The following MTHFD1 variants were observed in gnomAD, a reference collection of about 807,000 sequenced individuals.
MTHFD1 encodes methylenetetrahydrofolate dehydrogenase, cyclohydrolase and formyltetrahydrofolate synthetase 1.
MTHFD1 carries 44 observed loss-of-function variants against 110.3 expected under a neutral mutation model. The ratio of observed to expected loss-of-function variants is 0.40; its 90% CI spans 0.31 to 0.51. The LOEUF (loss-of-function observed/expected upper bound fraction) is 0.51. MTHFD1 is among the 20% of genes least tolerant of loss of function. The probability of loss-of-function intolerance (pLI) is 0.60; values close to 1 mark genes in which losing one functional copy is unlikely to be tolerated. For synonymous variants in MTHFD1, 402 were observed against 428.8 expected (o/e 0.94, Z 0.77); for missense variants, 909 against 1,173.1 (o/e 0.77, Z 3.29).
intron 22 of MTHFD1, among the ~76,000 whole-genome samples, chr14:64,447,146 GTTCTTTTTT>G: frequency 8.3e-6 from 1 of 120,826 alleles, no homozygotes; most frequent in African/African-American, 3.0e-5. Flanking sequence ...ATCCAGCTCA[GTTCTTTTTT>G]TTTTTTTTTT....
chr14:64,392,081 G>A (rs2077810720), intron 1 of MTHFD1, among the ~76,000 whole-genome samples: 2 of 152,194 alleles, frequency 1.3e-5, no homozygotes, highest in South Asian at 2.1e-4. Context: ...AGTGACTTAC[G>A]GGCAAAGACT....
chr14:64,429,741 A>G (rs1412260198), intron 12 of MTHFD1, among the ~76,000 whole-genome samples: 6 of 151,734 alleles, frequency 4.0e-5, no homozygotes, highest in Non-Finnish European at 7.4e-5. Flanking sequence ...AAGTAGCCCA[A>G]AAAAATCTAG....
At chr14:64,433,786 G>T (rs111809053) in intron 15 of MTHFD1, among the ~76,000 whole-genome samples, 8,982 of 148,104 alleles carry the variant, frequency 0.061, 479 homozygotes, top group African/African-American at 0.15. Flanking sequence ...ATCCCAGAAC[G>T]TTGGGAAGCT....
intron 2 of MTHFD1, among the ~76,000 whole-genome samples, chr14:64,406,846 A>G (rs752754244): frequency 1.4e-4 from 21 of 152,038 alleles, no homozygotes; most frequent in Non-Finnish European, 2.9e-4. Flanking sequence ...TATATTTCTA[A>G]TCGTTCTATG....
Position 64,415,710 on chromosome 14 carries a change from A to G in MTHFD1, c.449A>G (p.Lys150Arg). 1 of 1,614,122 alleles carries G rather than the reference A, an allele frequency of 6.2e-7. No individual in the cohort carries two copies. Among genetic ancestry groups the G allele is most frequent in the Admixed American group, 1.7e-5 (1 of 60,024 alleles). ...LNDCFIPCTP[K>R]GCLELIKETG... is the part of the protein sequence containing the mutation. Reference sequence around the variant, plus strand: ...GACTGTTTCATTCCTTGTACGCCTAAGGGATGCTTGGAACTCATCAAAGAG... The same window carrying G: ...GACTGTTTCATTCCTTGTACGCCTAGGGGATGCTTGGAACTCATCAAAGAG... The change falls in exon 6 of 28, where the codon AAG becomes AGG. Residue 150 changes from lysine to arginine, a missense_variant. Coordinates refer to ENST00000652337, the MANE Select transcript of MTHFD1 (RefSeq NM_005956.4).
chr14:64,415,530 G>C, intron 5 of MTHFD1, 36 bp downstream of exon 5: 1 of 1,613,860 alleles, frequency 6.2e-7, no homozygotes, highest in Non-Finnish European at 8.5e-7. Context: ...CTCATTGCAT[G>C]CTTTCATTTA....
chr14:64,388,598 A>G, intron 1 of MTHFD1, 130 bp downstream of exon 1: 2 of 828,452 alleles, frequency 2.4e-6, no homozygotes, highest in South Asian at 2.8e-5. Flanking sequence ...ACACCTGAAG[A>G]CCTGCAGCCA....
Position 64,438,034 on chromosome 14 carries a change from C to T in MTHFD1, c.1598-1062C>T, listed in dbSNP as rs987838095. Among the ~76,000 whole-genome samples the T allele has an allele frequency of 7.2e-5, 11 of 152,156 alleles. No homozygotes were observed. The South Asian group carries it at 1.0e-3, about 14-fold the overall frequency. On this transcript the variant is annotated intron_variant, in intron 16 of 27. Coordinates refer to ENST00000652337, the MANE Select transcript of MTHFD1 (RefSeq NM_005956.4). ...GATTACAGGCATGCACCACCACACC[C>T]GGCTAATTTTGTATTTTTAGTAGCG...
intron 9 of MTHFD1, 95 bp downstream of exon 9, chr14:64,425,026 GAAGTA>G: frequency 1.4e-6 from 2 of 1,455,828 alleles, no homozygotes; most frequent in Non-Finnish European, 1.9e-6. Flanking sequence ...AACCTACTCA[GAAGTA>G]AAGATGTGAA....
Position 64,431,845 on chromosome 14 carries a change from A to G in MTHFD1, c.1478A>G (p.Gln493Arg). 1 of 1,614,148 alleles carries G rather than the reference A, an allele frequency of 6.2e-7. No homozygotes were observed. Among genetic ancestry groups the G allele is most frequent in the Non-Finnish European group, 8.5e-7 (1 of 1,179,972 alleles). Reference protein sequence around the residue: ...VNGVRRFSDIQIRRLKRLGIE... With the variant: ...VNGVRRFSDIRIRRLKRLGIE... Reference sequence around the variant, plus strand: ...GGAGTGAGAAGGTTCTCTGACATCCAAATCCGAAGGTTAAAGGTAAGCTTT... The same window carrying G: ...GGAGTGAGAAGGTTCTCTGACATCCGAATCCGAAGGTTAAAGGTAAGCTTT... The change falls in exon 15 of 28, where the codon CAA (glutamine) becomes CGA (arginine). Residue 493 changes from glutamine to arginine, a missense_variant. Physicochemically the swap from Gln to Arg is conservative, Grantham distance 43. This residue lies in a region of MTHFD1 where 482 missense variants were observed against 646.0 expected (regional missense o/e 0.75). Transcript: ENST00000652337.
chr14:64,459,247 G>A (rs1023201538), intron 27 of MTHFD1, among the ~76,000 whole-genome samples: 1 of 152,178 alleles, frequency 6.6e-6, no homozygotes. Context: ...AAAGGAAGAC[G>A]TGAGTTTTGG....
chr14:64,428,108 T>TGG (rs2078131655), intron 12 of MTHFD1, among the ~76,000 whole-genome samples: 1 of 142,750 alleles, frequency 7.0e-6, no homozygotes, highest in African/African-American at 2.6e-5. Context: ...ATGTGTTTTT[T>TGG]TTTTTTTTTT....
intron 2 of MTHFD1, among the ~76,000 whole-genome samples, chr14:64,403,257 G>T (rs542959486): frequency 7.4e-5 from 11 of 148,100 alleles, no homozygotes; most frequent in Non-Finnish European, 1.6e-4. Flanking sequence ...GGGATTACAG[G>T]CACCTGCCAT....
chr14:64,441,624 G>A lies in MTHFD1; in HGVS notation c.1884+171G>A, dbSNP rs569762865. ...GATCGAGACCATCCTGGCTAACATGGTGAAACCCCGTCTCTACTAAAAATA... is the reference window on the plus strand; with the variant it reads ...GATCGAGACCATCCTGGCTAACATGATGAAACCCCGTCTCTACTAAAAATA... On this transcript the variant is annotated intron_variant, in intron 19 of 27. Coordinates refer to ENST00000652337, the MANE Select transcript of MTHFD1 (RefSeq NM_005956.4). The A allele has an allele frequency of 2.7e-4, 173 of 639,548 alleles. 1 individual carries two copies. Among genetic ancestry groups the A allele is most frequent in the South Asian group, 2.3e-3 (144 of 62,956 alleles). 39.6% of individuals were successfully genotyped at this position (639,548 alleles called of 1,614,324 possible).
chr14:64,435,137 G>T (rs2078196036), intron 15 of MTHFD1, among the ~76,000 whole-genome samples: 1 of 151,560 alleles, frequency 6.6e-6, no homozygotes, highest in Admixed American at 6.6e-5. Context: ...TTTTAGTAGA[G>T]ACAGGGTTTC....
At chr14:64,398,541 T>A (rs903098776) in intron 1 of MTHFD1, among the ~76,000 whole-genome samples, 6 of 152,214 alleles carry the variant, frequency 3.9e-5, no homozygotes, top group African/African-American at 1.4e-4. Context: ...AGCCAGACCC[T>A]GTCTCAAAAA....
rs762827473 is a variant in MTHFD1 at position 64,415,767 on chromosome 14, A to T, written c.478+28A>T. ...AAAAACAACAAACCAAACAACAAGAAAGCACCATTTCCTGAATCCTGGTCT... is the reference window on the plus strand; with the variant it reads ...AAAAACAACAAACCAAACAACAAGATAGCACCATTTCCTGAATCCTGGTCT... On this transcript the variant is annotated intron_variant, in intron 6 of 27. Transcript: ENST00000652337. 9.9e-6 allele frequency: 16 copies of T among 1,608,674 alleles called. No individual in the cohort carries two copies. In the South Asian group the frequency reaches 1.7e-4, roughly 17 times the overall value.
intron 4 of MTHFD1, 40 bp downstream of exon 4, chr14:64,412,565 G>C: frequency 2.6e-6 from 4 of 1,523,076 alleles, no homozygotes; most frequent in Non-Finnish European, 2.7e-6. Flanking sequence ...GGAAGGTGAA[G>C]TGGTTTCCTC....
intron 21 of MTHFD1, among the ~76,000 whole-genome samples, chr14:64,443,233 G>A (rs984200809): frequency 6.6e-6 from 1 of 152,148 alleles, no homozygotes; most frequent in African/African-American, 2.4e-5. Context: ...GTTATTGAGA[G>A]CCTAAAAGAG....
Sources: gnomAD v4.1 joint callset for allele counts (sites outside exome capture counted in the v4.1 genomes callset) on GRCh38, gnomAD v4.1.1 for gene constraint, gnomAD v4.1.1 regional missense constraint, MANE v1.5 for transcripts, NCBI Gene and HGNC (gene_info 2026-07-23, HGNC 2026-07-21) for gene names.